ANXA5: variants seen among roughly 807,000 people sequenced by gnomAD.
ANXA5 encodes annexin A5.
In ANXA5, 40 loss-of-function variants were observed where a neutral mutation model predicts 48.1. The observed-to-expected ratio is 0.83, with a 90% CI of 0.65 to 1.08. The LOEUF (loss-of-function observed/expected upper bound fraction) is 1.08, where lower values mean the gene tolerates loss of function less well. Ranked by LOEUF, ANXA5 falls within the 50% of genes least tolerant of loss-of-function variation. The pLI, the probability that ANXA5 is intolerant of heterozygous loss-of-function variation, is 0.00. For missense variants in ANXA5, 357 were observed against 376.8 expected (o/e 0.95, Z 0.44); for synonymous variants, 113 against 129.1 (o/e 0.88, Z 0.85).
intron 10 of ANXA5, among the ~76,000 whole-genome samples, chr4:121,670,944 TATG>T: frequency 6.6e-6 from 1 of 152,208 alleles, no homozygotes; most frequent in South Asian, 2.1e-4. Context: ...TGCAGACCCA[TATG>T]AACAAAAGGA....
intron 5 of ANXA5, among the ~76,000 whole-genome samples, chr4:121,683,145 G>A (rs1724820201): frequency 6.6e-6 from 1 of 151,978 alleles, no homozygotes; most frequent in South Asian, 2.1e-4. Context: ...ATTTTAAACA[G>A]CCCAGTATTA....
chr4:121,683,154 TATTG>T (rs1724820348), intron 5 of ANXA5, among the ~76,000 whole-genome samples: 1 of 152,106 alleles, frequency 6.6e-6, no homozygotes, highest in Non-Finnish European at 1.5e-5. Context: ...AGCCCAGTAT[TATTG>T]AGTTTAAATC....
intron 6 of ANXA5, among the ~76,000 whole-genome samples, chr4:121,679,726 CT>C (rs1359773110): frequency 6.6e-6 from 1 of 152,026 alleles, no homozygotes; most frequent in Non-Finnish European, 1.5e-5. Context: ...TGCACCTAGT[CT>C]TTTTTTCCCA....
chr4:121,683,609 A>C (rs1475008510), intron 4 of ANXA5, 132 bp from the exon 5 acceptor site: 1 of 541,848 alleles, frequency 1.8e-6, no homozygotes, highest in Non-Finnish European at 3.3e-6. Context: ...CCATGAGCTA[A>C]ACAAAACCCT....
chr4:121,693,978 C>A (rs1725030045), intron 2 of ANXA5, among the ~76,000 whole-genome samples: 1 of 151,622 alleles, frequency 6.6e-6, no homozygotes, highest in Non-Finnish European at 1.5e-5. Flanking sequence ...TTAAACCAAC[C>A]GAAAATATTT....
chr4:121,673,741 C>A (rs1453053070), intron 8 of ANXA5, among the ~76,000 whole-genome samples: 2 of 152,162 alleles, frequency 1.3e-5, no homozygotes, highest in East Asian at 3.9e-4. Flanking sequence ...AAGACAGTAA[C>A]TCTGAAAGTC....
At chr4:121,670,964 G>T (rs1018554771) in intron 10 of ANXA5, among the ~76,000 whole-genome samples, 4 of 152,070 alleles carry the variant, frequency 2.6e-5, no homozygotes, top group Non-Finnish European at 4.4e-5. Context: ...AGGACCACAG[G>T]AGACTCACAA....
intron 8 of ANXA5, 70 bp from the exon 9 acceptor site, chr4:121,672,696 T>G: frequency 9.2e-7 from 1 of 1,089,022 alleles, no homozygotes; most frequent in Non-Finnish European, 1.4e-6. Flanking sequence ...AACACACTTG[T>G]TTTTTACTCC....
chr4:121,684,053 TA>T (rs1247497184), intron 4 of ANXA5, among the ~76,000 whole-genome samples: 2 of 152,112 alleles, frequency 1.3e-5, no homozygotes, highest in Non-Finnish European at 2.9e-5. Flanking sequence ...AGTTTCAGCA[TA>T]CCACACAACT....
intron 12 of ANXA5, 32 bp from the exon 13 acceptor site, chr4:121,668,559 G>C: frequency 6.3e-7 from 1 of 1,593,920 alleles, no homozygotes; most frequent in South Asian, 1.1e-5. Context: ...TAACCTCCAT[G>C]ACTCACAGAA....
At position 121,687,846 on chromosome 4, in the gene ANXA5, C is replaced by T. The variant is rs190078267; in HGVS notation, c.10-1474G>A. Among the ~76,000 whole-genome samples, 80 of 152,308 alleles carry T rather than the reference C, an allele frequency of 5.3e-4. No homozygotes were observed. The East Asian group carries it at 6.9e-3, about 13-fold the overall frequency. ...CCCCTGAGCCCTCTTCTCAACTAGT[C>T]CTTGTCATTGGGCCTCCTTTGCCTG... On this transcript the variant is annotated intron_variant, in intron 2 of 12. Coordinates refer to ENST00000296511, the MANE Select transcript of ANXA5 (RefSeq NM_001154.4).
chr4:121,694,622 A>T (rs1444021234), intron 2 of ANXA5, among the ~76,000 whole-genome samples: 1 of 152,170 alleles, frequency 6.6e-6, no homozygotes, highest in Non-Finnish European at 1.5e-5. Flanking sequence ...TGACCTCGTG[A>T]TCCACGTGCC....
chr4:121,692,480 T>A (rs748424605), intron 2 of ANXA5, among the ~76,000 whole-genome samples: 1 of 152,226 alleles, frequency 6.6e-6, no homozygotes, highest in African/African-American at 2.4e-5. Context: ...TGAGTTCACA[T>A]TGAAGGTCAG....
chr4:121,685,833 C>A (rs1422288911), intron 3 of ANXA5, among the ~76,000 whole-genome samples: 2 of 152,140 alleles, frequency 1.3e-5, no homozygotes, highest in Non-Finnish European at 2.9e-5. Flanking sequence ...CTCTACCACA[C>A]AGGTGAGGGT....
At chr4:121,686,241 G>A in intron 3 of ANXA5, 47 bp downstream of exon 3, 1 of 1,414,892 alleles carries the variant, frequency 7.1e-7, no homozygotes, top group South Asian at 1.2e-5. Flanking sequence ...GACTTGTTTG[G>A]AAAAACAAAT....
At chr4:121,676,366 T>C (rs1312839673) in intron 8 of ANXA5, among the ~76,000 whole-genome samples, 1 of 152,182 alleles carries the variant, frequency 6.6e-6, no homozygotes, top group Admixed American at 6.5e-5. Flanking sequence ...AGTGAAATAT[T>C]AATATTCAAT....
rs570659149 is a variant in ANXA5, at chr4:121,685,095, AAT to A, written c.95-326_95-325del. 5.9e-3 allele frequency among the ~76,000 whole-genome samples: 885 copies of A among 150,630 alleles called. 7 individuals carry two copies. Among genetic ancestry groups the A allele is most frequent in the Admixed American group, 9.3e-3 (140 of 15,088 alleles). ...ATACACACACACACACACAGACGCA[AAT>A]ACACACATATATATAAATGTTTTAT... On this transcript the variant is annotated intron_variant, in intron 3 of 12. Transcript: ENST00000296511.
At chr4:121,693,235 G>C (rs1194293865) in intron 2 of ANXA5, among the ~76,000 whole-genome samples, 10 of 151,364 alleles carry the variant, frequency 6.6e-5, no homozygotes, top group Admixed American at 4.6e-4. Flanking sequence ...CTCCATCTCG[G>C]GGGAGAAAAA....
At position 121,678,128 on chromosome 4, in the gene ANXA5, T is replaced by C. The variant is rs866690246; in HGVS notation, c.475-178A>G. ...ACCCAGCACTGTCCAAAACCAATAA[T>C]GACCCTACTGATTTTAAATTCTATG... On this transcript the variant is annotated intron_variant, in intron 7 of 12. Transcript: ENST00000296511. 22 of 620,498 alleles carry C rather than the reference T, an allele frequency of 3.5e-5. No homozygotes were observed. The Middle Eastern group carries it at 4.1e-3, about 114-fold the overall frequency. The allele number at this position is 620,498 out of a possible 1,614,324, so 38.4% of individuals were successfully genotyped here.
Sources: gnomAD v4.1 joint callset for allele counts (sites outside exome capture counted in the v4.1 genomes callset) on GRCh38, gnomAD v4.1.1 for gene constraint, MANE v1.5 for transcripts, NCBI Gene and HGNC (gene_info 2026-07-23, HGNC 2026-07-21) for gene names.